Variants in SCP2 observed in about 807,000 individuals in gnomAD.
SCP2 encodes SCP-2/3-oxoacyl-CoA thiolase.
In SCP2, 48 loss-of-function variants were observed where a neutral mutation model predicts 71.4. The ratio of observed to expected loss-of-function variants is 0.67; its 90% CI spans 0.53 to 0.86. The LOEUF is 0.86. Among genes scored for constraint, SCP2 ranks in the 40% least tolerant of loss-of-function variants. SCP2 has a pLI of 0.00. For missense variants in SCP2, 560 were observed against 655.6 expected (o/e 0.85, Z 1.59); for synonymous variants, 220 against 218.1 (o/e 1.01, Z -0.08).
rs1659901020 is a variant in SCP2 at position 52,995,898 on chromosome 1, T to A, written c.1081+7762T>A. On this transcript the variant is annotated intron_variant, in intron 11 of 15. Transcript: ENST00000371514. ...CTCCACTGGTACACAGCTGAGGGCA[T>A]GGATGAGACGAGAGTTCAACAAGGC... 14 of 1,488,356 alleles carry A rather than the reference T, an allele frequency of 9.4e-6. No homozygotes were observed. The South Asian group carries it at 1.0e-4, about 11-fold the overall frequency. 92.2% of individuals were successfully genotyped at this position (1,488,356 alleles called of 1,614,324 possible). A position where few individuals can be genotyped will look rare whatever the true frequency, so the allele number is the denominator to read the frequency against.
chr1:52,945,989 T>C (rs140510125), intron 2 of SCP2, among the ~76,000 whole-genome samples: 4 of 151,736 alleles, frequency 2.6e-5, no homozygotes, highest in Non-Finnish European at 4.4e-5. Context: ...AATGCAGTAG[T>C]GTGATCATGG....
chr1:52,929,447 CTTTATT>C (rs992530426), intron 1 of SCP2, among the ~76,000 whole-genome samples: 7 of 151,540 alleles, frequency 4.6e-5, no homozygotes, highest in African/African-American at 1.5e-4. Flanking sequence ...TATCATAATA[CTTTATT>C]TTTATTTTTT....
At chr1:53,034,185 G>A (rs1467206670) in intron 13 of SCP2, among the ~76,000 whole-genome samples, 1 of 151,952 alleles carries the variant, frequency 6.6e-6, no homozygotes, top group Non-Finnish European at 1.5e-5. Context: ...GCAGAGGCAG[G>A]AGAATCACTT....
chr1:53,030,331 A>C (rs1449127447), intron 13 of SCP2, among the ~76,000 whole-genome samples: 1 of 152,140 alleles, frequency 6.6e-6, no homozygotes, highest in African/African-American at 2.4e-5. Context: ...CTCATATTTA[A>C]GTATTTAAGC....
At position 53,017,789 on chromosome 1, in the gene SCP2, A is replaced by C. The variant is rs146433357; in HGVS notation, c.1235+2746A>C. 2.0e-4 allele frequency among the ~76,000 whole-genome samples: 30 copies of C among 152,370 alleles called. 1 individual carries two copies. Among genetic ancestry groups the C allele is most frequent in the African/African-American group, 7.0e-4 (29 of 41,592 alleles). On this transcript the variant is annotated intron_variant, in intron 12 of 15. Coordinates refer to ENST00000371514, the MANE Select transcript of SCP2 (RefSeq NM_002979.5). ...ATAAAGACAACAAGAAGCAATACAG[A>C]AAAATGGATAGAGAAAAATTGTTGG...
chr1:52,927,583 C>T (rs1285179813), intron 1 of SCP2, 118 bp downstream of exon 1: 7 of 779,388 alleles, frequency 9.0e-6, no homozygotes, highest in South Asian at 1.5e-5. Context: ...ATCGGCGTGG[C>T]GACTTGGTGG....
At chr1:52,971,152 A>G (rs1338130079) in intron 6 of SCP2, among the ~76,000 whole-genome samples, 2 of 151,562 alleles carry the variant, frequency 1.3e-5, no homozygotes, top group Non-Finnish European at 2.9e-5. Context: ...ATTTTTCTGT[A>G]TTTTTAGTAG....
chr1:53,009,311 A>G (rs989056696), intron 11 of SCP2, among the ~76,000 whole-genome samples: 1 of 152,210 alleles, frequency 6.6e-6, no homozygotes, highest in Non-Finnish European at 1.5e-5. Context: ...AAGAGGCCGC[A>G]TTGCCAAGAC....
chr1:52,988,826 C>T (rs563166495), intron 11 of SCP2, among the ~76,000 whole-genome samples: 49 of 151,986 alleles, frequency 3.2e-4, no homozygotes, highest in African/African-American at 1.1e-3. Flanking sequence ...GCTGGGACTA[C>T]AGGCTTGTGC....
At chr1:52,959,984 C>T (rs528968078) in intron 5 of SCP2, among the ~76,000 whole-genome samples, 35 of 151,950 alleles carry the variant, frequency 2.3e-4, no homozygotes, top group African/African-American at 7.7e-4. Context: ...CTCTGCCTCC[C>T]GGGTTCAAGC....
chr1:52,960,539 T>C (rs920388105), intron 5 of SCP2, among the ~76,000 whole-genome samples: 2 of 147,602 alleles, frequency 1.4e-5, no homozygotes, highest in Admixed American at 6.8e-5. Context: ...TATATATATG[T>C]ATGTATATAC....
intron 1 of SCP2, among the ~76,000 whole-genome samples, chr1:52,939,432 G>A (rs1395186729): frequency 4.6e-5 from 7 of 152,106 alleles, no homozygotes; most frequent in Non-Finnish European, 1.0e-4. Flanking sequence ...TGTGATCTCA[G>A]CTACTCAGGA....
At chr1:52,975,201 G>A (rs1452700031) in intron 7 of SCP2, among the ~76,000 whole-genome samples, 2 of 151,256 alleles carry the variant, frequency 1.3e-5, no homozygotes, top group African/African-American at 4.9e-5. Flanking sequence ...ATTTTTTTTA[G>A]ATGGCATCTC....
At chr1:52,989,677 A>C (rs1350883089) in intron 11 of SCP2, among the ~76,000 whole-genome samples, 1 of 152,236 alleles carries the variant, frequency 6.6e-6, no homozygotes, top group Non-Finnish European at 1.5e-5. Context: ...CACCCAGTGC[A>C]AAGAGTATTT....
chr1:52,977,015 G>GTGA (rs1337524515), intron 8 of SCP2, among the ~76,000 whole-genome samples: 5 of 152,090 alleles, frequency 3.3e-5, no homozygotes, highest in Non-Finnish European at 7.3e-5. Flanking sequence ...ACCTACTTTG[G>GTGA]TGATTGCAAT....
At chr1:52,934,275 T>C (rs1310607878) in intron 1 of SCP2, among the ~76,000 whole-genome samples, 1 of 152,204 alleles carries the variant, frequency 6.6e-6, no homozygotes, top group Non-Finnish European at 1.5e-5. Context: ...ATTAGAATTT[T>C]AGAAAACTTG....
At chr1:53,046,497 C>T (rs1489229645) in intron 14 of SCP2, among the ~76,000 whole-genome samples, 2 of 152,002 alleles carry the variant, frequency 1.3e-5, no homozygotes, top group East Asian at 3.8e-4. Context: ...GTGTCATTTG[C>T]TCATTTTTAT....
At position 52,927,368 on chromosome 1, in the gene SCP2, G is replaced by T. The variant is rs1488291963; in HGVS notation, c.-29G>T. ...GTCAGTGCCGGCAGTCGTCCGCGGC[G>T]CCCGCCCCGGTCCCGCACTGGTGCA... On this transcript the variant is annotated 5_prime_UTR_variant, in exon 1 of 16. Transcript: ENST00000371514. 1.3e-5 allele frequency: 21 copies of T among 1,555,758 alleles called. No individual in the cohort carries two copies. The South Asian group carries it at 2.1e-4, about 16-fold the overall frequency.
At chr1:52,960,709 A>G (rs1465233997) in intron 5 of SCP2, among the ~76,000 whole-genome samples, 1 of 126,172 alleles carries the variant, frequency 7.9e-6, no homozygotes, top group East Asian at 2.2e-4. Flanking sequence ...GTGTGTATAT[A>G]TTATGTGCGT....
Sources: gnomAD v4.1 joint callset for allele counts (sites outside exome capture counted in the v4.1 genomes callset) on GRCh38, gnomAD v4.1.1 for gene constraint, MANE v1.5 for transcripts, NCBI Gene and HGNC (gene_info 2026-07-23, HGNC 2026-07-21) for gene names.